AFG3L2: variants seen among roughly 807,000 people sequenced by gnomAD.
The protein encoded by AFG3L2 is AFG3 like matrix AAA peptidase subunit 2, also known as mitochondrial inner membrane m-AAA protease component AFG3L2.
In AFG3L2, 54 loss-of-function variants were observed where a neutral mutation model predicts 94.5. The observed-to-expected ratio is 0.57, with a 90% CI of 0.46 to 0.72. The LOEUF (loss-of-function observed/expected upper bound fraction) is 0.72. Among genes scored for constraint, AFG3L2 ranks in the 30% least tolerant of loss-of-function variants. The probability of loss-of-function intolerance (pLI) is 0.00; values close to 1 mark genes in which losing one functional copy is unlikely to be tolerated. For synonymous variants in AFG3L2, 377 were observed against 365.5 expected, an observed-to-expected ratio of 1.03 and a Z score of -0.36; for missense variants, 754 against 994.9, an observed-to-expected ratio of 0.76 and a Z score of 3.26.
In AFG3L2 at chr18:12,363,804, G is replaced by T; in HGVS notation, c.605C>A (p.Pro202Gln). ...TACCCCATCAACAGGAGTTTTTCCT[G>T]GTGTAAAGGTCACTCGAACAAAACG... is the stretch of plus-strand genomic sequence containing the variant. The part of the protein sequence containing the change: ...NKRFVRVTFT[P>Q]GKTPVDGQYV... Residue 202 changes from proline to glutamine, a missense_variant, in exon 6 of 17, where the codon CCA becomes CAA. This residue lies in a region of AFG3L2 where 130 missense variants were observed against 175.1 expected (regional missense o/e 0.74). Transcript: ENST00000269143. 6.2e-7 allele frequency: 1 copy of T among 1,612,754 alleles called. No individual in the cohort carries two copies. Among genetic ancestry groups the T allele is most frequent in the African/African-American group, 1.3e-5 (1 of 74,954 alleles).
chr18:12,333,134 AAT>A (rs1379077366), intron 16 of AFG3L2, among the ~76,000 whole-genome samples: 6 of 88,030 alleles, frequency 6.8e-5, no homozygotes, highest in South Asian at 3.3e-4. Context: ...TTATATATAT[AAT>A]ATATATAATA....
intron 13 of AFG3L2, among the ~76,000 whole-genome samples, chr18:12,345,868 GAAT>G: frequency 2.0e-5 from 3 of 152,256 alleles, no homozygotes; most frequent in Admixed American, 2.0e-4. Flanking sequence ...CAAATTTATA[GAAT>G]AAAAGGGCTG....
intron 6 of AFG3L2, among the ~76,000 whole-genome samples, chr18:12,360,660 C>A (rs759789931): frequency 5.3e-5 from 8 of 152,194 alleles, no homozygotes; most frequent in Non-Finnish European, 1.5e-5. Flanking sequence ...ACCCAGAGGG[C>A]CCAGCACAGG....
chr18:12,355,690 G>GA (rs1908471796), intron 9 of AFG3L2, among the ~76,000 whole-genome samples: 1 of 147,646 alleles, frequency 6.8e-6, no homozygotes, highest in South Asian at 2.1e-4. Flanking sequence ...TTTTTTTTGA[G>GA]ACGAGTCTCA....
intron 1 of AFG3L2, among the ~76,000 whole-genome samples, chr18:12,371,970 C>T (rs1359828831): frequency 6.6e-6 from 1 of 152,184 alleles, no homozygotes; most frequent in Non-Finnish European, 1.5e-5. Flanking sequence ...TATGTGACAA[C>T]ACATTCACTT....
chr18:12,341,616 G>A (rs1907955720), intron 14 of AFG3L2: 1 of 152,158 alleles, frequency 6.6e-6, no homozygotes, highest in South Asian at 2.1e-4. Flanking sequence ...TTTTACTGCT[G>A]TGTGGCACTC....
chr18:12,374,300 C>A (rs1455418728), intron 1 of AFG3L2, among the ~76,000 whole-genome samples: 1 of 152,178 alleles, frequency 6.6e-6, no homozygotes, highest in Admixed American at 6.5e-5. Context: ...GGAGAATTAG[C>A]CTTTATGTTT....
intron 1 of AFG3L2, among the ~76,000 whole-genome samples, chr18:12,376,470 G>C (rs1398113825): frequency 6.6e-6 from 1 of 152,172 alleles, no homozygotes; most frequent in Admixed American, 6.5e-5. Flanking sequence ...GCTATGAAAA[G>C]GTGACATTCT....
intron 16 of AFG3L2, among the ~76,000 whole-genome samples, chr18:12,334,205 G>C (rs576511504): frequency 6.6e-6 from 1 of 152,206 alleles, no homozygotes; most frequent in African/African-American, 2.4e-5. Context: ...TATTCTGCAC[G>C]TGGCTCATTC....
chr18:12,357,810 G>A (rs1437299541), intron 8 of AFG3L2, among the ~76,000 whole-genome samples: 1 of 152,054 alleles, frequency 6.6e-6, no homozygotes, highest in Non-Finnish European at 1.5e-5. Context: ...TGTTGGCCAG[G>A]CTGGTCTCGA....
chr18:12,353,230 A>G, intron 9 of AFG3L2, 72 bp from the exon 10 acceptor site: 1 of 1,562,026 alleles, frequency 6.4e-7, no homozygotes, highest in Non-Finnish European at 8.7e-7. Context: ...AATGAAATAA[A>G]TCGGCCGGGC....
Position 12,377,145 on chromosome 18 carries a change from G to T in AFG3L2, c.-63C>A. The T allele has an allele frequency of 8.0e-7, 1 of 1,246,766 alleles. No homozygotes were observed. Among genetic ancestry groups the T allele is most frequent in the Non-Finnish European group, 1.1e-6 (1 of 945,356 alleles). 77.2% of individuals were successfully genotyped at this position (1,246,766 alleles called of 1,614,324 possible). Reference sequence around the variant, plus strand: ...CAGGCGCGGGCAGGCGACGACTGGCGGCCTCGGGAAGCGGGCTCGGCTCGG... The same window carrying T: ...CAGGCGCGGGCAGGCGACGACTGGCTGCCTCGGGAAGCGGGCTCGGCTCGG... On this transcript the variant is annotated 5_prime_UTR_variant, in exon 1 of 17. Coordinates refer to ENST00000269143, the MANE Select transcript of AFG3L2 (RefSeq NM_006796.3).
rs76276741 is a variant in AFG3L2 at position 12,349,059 on chromosome 18, A to C, written c.1553-676T>G. Among the ~76,000 whole-genome samples, 226 of 152,362 alleles carry C rather than the reference A, an allele frequency of 1.5e-3. 7 individuals carry two copies. In the East Asian group the frequency reaches 0.035, roughly 24 times the overall value. ...TGTATATAATCTTTTCATACTTCTCAAACTGTTCTTTTTTTATTTCATTTT... is the reference window on the plus strand; with the variant it reads ...TGTATATAATCTTTTCATACTTCTCCAACTGTTCTTTTTTTATTTCATTTT... On this transcript the variant is annotated intron_variant, in intron 12 of 16. Transcript: ENST00000269143.
chr18:12,373,147 T>G (rs993329363), intron 1 of AFG3L2, among the ~76,000 whole-genome samples: 1 of 152,218 alleles, frequency 6.6e-6, no homozygotes, highest in Admixed American at 6.5e-5. Flanking sequence ...ACTGTTTTTG[T>G]CTGAGTGCAA....
At chr18:12,362,175 C>A (rs920629535) in intron 6 of AFG3L2, among the ~76,000 whole-genome samples, 2 of 152,208 alleles carry the variant, frequency 1.3e-5, no homozygotes, top group African/African-American at 4.8e-5. Flanking sequence ...AAGCCCTTCT[C>A]TACTGTCACA....
intron 12 of AFG3L2, among the ~76,000 whole-genome samples, chr18:12,349,805 C>G (rs944255788): frequency 3.3e-5 from 5 of 151,240 alleles, no homozygotes; most frequent in Non-Finnish European, 4.4e-5. Flanking sequence ...GGGATTACAG[C>G]ACCCCCACCA....
chr18:12,359,495 T>C (rs984644671), intron 7 of AFG3L2, among the ~76,000 whole-genome samples: 1 of 151,812 alleles, frequency 6.6e-6, no homozygotes, highest in Non-Finnish European at 1.5e-5. Flanking sequence ...TCCCAGCACT[T>C]TGGGAGGCGG....
At chr18:12,371,222 G>A (rs1028521340) in intron 2 of AFG3L2, among the ~76,000 whole-genome samples, 1 of 151,642 alleles carries the variant, frequency 6.6e-6, no homozygotes, top group East Asian at 1.9e-4. Flanking sequence ...GCTGAGGCAG[G>A]AGAATCGCTT....
intron 1 of AFG3L2, 111 bp downstream of exon 1, chr18:12,376,858 G>T (rs998844632): frequency 4.8e-6 from 4 of 834,126 alleles, no homozygotes; most frequent in Non-Finnish European, 6.5e-6. Context: ...CGGCAGGGAC[G>T]GCCCGCGTGC....
Sources: allele counts gnomAD v4.1 joint callset (sites outside exome capture counted in the v4.1 genomes callset), GRCh38; gene constraint gnomAD v4.1.1; regional missense constraint gnomAD v4.1.1; transcripts MANE v1.5; gene names NCBI Gene and HGNC (gene_info 2026-07-23, HGNC 2026-07-21).